The following TMCC1 variants were observed in gnomAD, a reference collection of about 807,000 sequenced individuals.
TMCC1 encodes transmembrane and coiled-coil domain family 1, also known as transmembrane and coiled-coil domains protein 1.
Under a neutral mutation model 52.4 loss-of-function variants are expected in TMCC1, and 15 were observed. That is an observed-to-expected ratio of 0.29 (90% CI 0.19 to 0.44). TMCC1 has a LOEUF of 0.44. Ranked by LOEUF, TMCC1 falls within the 20% of genes least tolerant of loss-of-function variation. TMCC1 has a pLI of 1.00. For synonymous variants in TMCC1, 279 were observed against 301.9 expected (o/e 0.92, Z 0.79); for missense variants, 503 against 806.0 (o/e 0.62, Z 4.55).
chr3:129,761,362 T>G (rs1160507104), intron 4 of TMCC1, among the ~76,000 whole-genome samples: 1 of 144,826 alleles, frequency 6.9e-6, no homozygotes. Context: ...TCCCCTGTGC[T>G]TCACCTGTTG....
intron 2 of TMCC1, among the ~76,000 whole-genome samples, chr3:129,836,307 A>ATT (rs909683755): frequency 2.2e-4 from 33 of 152,182 alleles, no homozygotes; most frequent in Admixed American, 3.9e-4. Context: ...TGACTCAAAT[A>ATT]AAGGGAGAGG....
chr3:129,788,193 T>TA (rs2056177076), intron 4 of TMCC1, among the ~76,000 whole-genome samples: 2 of 152,246 alleles, frequency 1.3e-5, no homozygotes, highest in South Asian at 2.1e-4. Flanking sequence ...ACTTAAAAAA[T>TA]AAAAAACTAG....
At chr3:129,809,353 T>C (rs2717252) in intron 4 of TMCC1, among the ~76,000 whole-genome samples, 95,012 of 151,674 alleles carry the variant, frequency 0.63, 35,148 homozygotes, top group Non-Finnish European at 0.83. Context: ...GCAAGTAAAA[T>C]GTTTCATACT....
At chr3:129,875,962 C>T (rs182456845) in intron 2 of TMCC1, among the ~76,000 whole-genome samples, 2 of 152,090 alleles carry the variant, frequency 1.3e-5, no homozygotes, top group East Asian at 3.9e-4. Context: ...GGAGAAACCC[C>T]GTCTCTATTA....
At chr3:129,759,411 G>T (rs980022882) in intron 4 of TMCC1, among the ~76,000 whole-genome samples, 2 of 151,706 alleles carry the variant, frequency 1.3e-5, no homozygotes, top group Admixed American at 6.6e-5. Context: ...GGGACTACAG[G>T]CATGTGTCAC....
chr3:129,720,927 A>G (rs186667316), intron 4 of TMCC1, among the ~76,000 whole-genome samples: 151 of 152,216 alleles, frequency 9.9e-4, no homozygotes, highest in African/African-American at 3.4e-3. Context: ...TCCTGACCTC[A>G]AGTGATCCTC....
At chr3:129,757,485 C>T (rs961876623) in intron 4 of TMCC1, among the ~76,000 whole-genome samples, 4 of 152,120 alleles carry the variant, frequency 2.6e-5, no homozygotes, top group Non-Finnish European at 5.9e-5. Flanking sequence ...GAGTGGCTAT[C>T]CTGGCTTATG....
intron 4 of TMCC1, among the ~76,000 whole-genome samples, chr3:129,766,404 T>C (rs960579094): frequency 6.6e-5 from 10 of 152,180 alleles, no homozygotes; most frequent in Admixed American, 5.9e-4. Context: ...GGCTCTGAGC[T>C]AGCATGCACA....
chr3:129,697,802 G>GC (rs1195343672), intron 4 of TMCC1, among the ~76,000 whole-genome samples: 2 of 152,294 alleles, frequency 1.3e-5, no homozygotes, highest in East Asian at 1.9e-4. Flanking sequence ...AGTCACCTTT[G>GC]CTCTCGTTGT....
At chr3:129,801,775 A>G (rs561685073) in intron 4 of TMCC1, among the ~76,000 whole-genome samples, 1 of 152,210 alleles carries the variant, frequency 6.6e-6, no homozygotes, top group Non-Finnish European at 1.5e-5. Context: ...TCTAGGGTAG[A>G]TGCTAACATA....
chr3:129,756,898 G>A (rs1443342869), intron 4 of TMCC1, among the ~76,000 whole-genome samples: 1 of 152,162 alleles, frequency 6.6e-6, no homozygotes, highest in Non-Finnish European at 1.5e-5. Context: ...TAAAGGAGTT[G>A]TTGTGTATGG....
chr3:129,665,747 G>C (rs1200594786), intron 5 of TMCC1, among the ~76,000 whole-genome samples: 1 of 152,096 alleles, frequency 6.6e-6, no homozygotes, highest in Non-Finnish European at 1.5e-5. Flanking sequence ...GACAAAACTG[G>C]GTTTTGAATC....
At chr3:129,793,977 G>A (rs1446138542) in intron 4 of TMCC1, among the ~76,000 whole-genome samples, 1 of 152,064 alleles carries the variant, frequency 6.6e-6, no homozygotes. Flanking sequence ...TCTCCTCTTG[G>A]TCCACAAGCT....
At chr3:129,875,506 A>AC (rs2061155914) in intron 2 of TMCC1, among the ~76,000 whole-genome samples, 3 of 150,586 alleles carry the variant, frequency 2.0e-5, no homozygotes, top group Admixed American at 1.3e-4. Flanking sequence ...AAAAAAAAAA[A>AC]AAAAAAAAAA....
At position 129,651,595 on chromosome 3, in the gene TMCC1, C is replaced by T. The variant is rs759364674; in HGVS notation, c.1848G>A (p.Lys616=). Residue 616 remains lysine, a synonymous_variant, in exon 7 of 7, where the codon AAG becomes AAA. Transcript: ENST00000393238. This position sits in a 1 kb window ranked among gnomAD's most constrained non-coding sequence, Gnocchi z 5.1. ...TVANCVVPLM[K]TRNRTFSTLF... Reference sequence around the variant, plus strand: ...AAGTGCTGAACGTCCTGTTGCGAGTCTTCATGAGGGGGACCACACAGTTGG... The same window carrying T: ...AAGTGCTGAACGTCCTGTTGCGAGTTTTCATGAGGGGGACCACACAGTTGG... The T allele has an allele frequency of 6.2e-7, 1 of 1,614,206 alleles. No homozygotes were observed. The highest frequency in any genetic ancestry group is 8.5e-7 in the Non-Finnish European group (1 of 1,180,046).
At chr3:129,789,185 T>C (rs1321336794) in intron 4 of TMCC1, among the ~76,000 whole-genome samples, 1 of 152,212 alleles carries the variant, frequency 6.6e-6, no homozygotes. Flanking sequence ...ACTACTTCAC[T>C]GTACCCACCT....
chr3:129,760,361 G>C (rs1045917084), intron 4 of TMCC1, among the ~76,000 whole-genome samples: 5 of 150,716 alleles, frequency 3.3e-5, no homozygotes, highest in African/African-American at 1.2e-4. Flanking sequence ...TCAGCCTCCT[G>C]AACAGCTGGG....
At chr3:129,781,130 G>A (rs2055490001) in intron 4 of TMCC1, among the ~76,000 whole-genome samples, 1 of 151,968 alleles carries the variant, frequency 6.6e-6, no homozygotes, top group African/African-American at 2.4e-5. Flanking sequence ...TAAAGAACAC[G>A]GGCTGGTTTT....
chr3:129,726,015 G>A (rs2050051389), intron 4 of TMCC1, among the ~76,000 whole-genome samples: 1 of 152,140 alleles, frequency 6.6e-6, no homozygotes, highest in Admixed American at 6.5e-5. Flanking sequence ...GGGAACATCT[G>A]ATAAATTATG....
Sources: gnomAD v4.1 joint callset for allele counts (sites outside exome capture counted in the v4.1 genomes callset) on GRCh38, gnomAD v4.1.1 for gene constraint, Gnocchi (gnomAD v3.1) non-coding constraint, MANE v1.5 for transcripts, NCBI Gene and HGNC (gene_info 2026-07-23, HGNC 2026-07-21) for gene names.